Variants in CTCF observed in about 807,000 individuals in gnomAD.
CTCF encodes the protein transcriptional repressor CTCF.
A neutral mutation model predicts 72.3 loss-of-function variants in CTCF; 7 were observed. The observed-to-expected ratio is 0.10, with a 90% CI of 0.06 to 0.18. The LOEUF is 0.18. Among genes scored for constraint, CTCF ranks in the 10% least tolerant of loss-of-function variants. The pLI is 1.00. For missense variants in CTCF, 516 were observed against 949.1 expected (o/e 0.54, Z 6.00); for synonymous variants, 374 against 315.8 (o/e 1.18, Z -1.95).
chr16:67,618,866 T>C (rs1251074072), intron 5 of CTCF, among the ~76,000 whole-genome samples: 2 of 152,190 alleles, frequency 1.3e-5, no homozygotes, highest in East Asian at 3.8e-4. Flanking sequence ...TGAAGAAACA[T>C]TACAAGTTGA....
At chr16:67,619,007 A>G (rs2052167894) in intron 5 of CTCF, among the ~76,000 whole-genome samples, 1 of 152,272 alleles carries the variant, frequency 6.6e-6, no homozygotes, top group Non-Finnish European at 1.5e-5. Flanking sequence ...GTAGGAATAG[A>G]TAGCTCATTG....
chr16:67,626,988 G>C (rs1243940305), intron 8 of CTCF: 1 of 283,776 alleles, frequency 3.5e-6, no homozygotes, highest in Non-Finnish European at 6.5e-6. Flanking sequence ...GAGAGGGGAA[G>C]AATCTCATGC....
intron 10 of CTCF, among the ~76,000 whole-genome samples, chr16:67,631,150 G>GTT (rs1472086135): frequency 9.1e-5 from 12 of 132,534 alleles, no homozygotes; most frequent in African/African-American, 2.9e-4. Context: ...TTTGTTCTTT[G>GTT]TTTGTTTTTT....
intron 7 of CTCF, among the ~76,000 whole-genome samples, chr16:67,622,229 G>A (rs1003195967): frequency 3.3e-5 from 5 of 151,828 alleles, no homozygotes; most frequent in African/African-American, 4.8e-5. Flanking sequence ...GGTGGTGGGC[G>A]CCTGTAGTCC....
intron 2 of CTCF, among the ~76,000 whole-genome samples, chr16:67,574,327 G>GT (rs2051466084): frequency 6.6e-6 from 1 of 152,066 alleles, no homozygotes; most frequent in African/African-American, 2.4e-5. Context: ...AGATTTGCCA[G>GT]TTTGTTAAGA....
intron 2 of CTCF, among the ~76,000 whole-genome samples, chr16:67,605,545 A>C (rs1279417857): frequency 6.6e-6 from 1 of 152,208 alleles, no homozygotes; most frequent in Non-Finnish European, 1.5e-5. Flanking sequence ...TCGGGAGTTT[A>C]CCTTGAGCCT....
chr16:67,617,392 G>A (rs1307809613), intron 5 of CTCF, among the ~76,000 whole-genome samples: 1 of 152,242 alleles, frequency 6.6e-6, no homozygotes, highest in South Asian at 2.1e-4. Flanking sequence ...CCAGCTACTC[G>A]GGAGGCTGAG....
At chr16:67,584,337 C>CTTCTTTTT (rs1462998203) in intron 2 of CTCF, among the ~76,000 whole-genome samples, 6 of 105,856 alleles carry the variant, frequency 5.7e-5, no homozygotes, top group African/African-American at 2.1e-4. Flanking sequence ...AAAAAGTCTT[C>CTTCTTTTT]TTTTTTTTTT....
At position 67,612,269 on chromosome 16, in the gene CTCF, C is replaced by T. The variant is rs1286957152; in HGVS notation, c.952+148C>T. On this transcript the variant is annotated intron_variant, in intron 4 of 11. Coordinates refer to ENST00000264010, the MANE Select transcript of CTCF (RefSeq NM_006565.4). Reference sequence around the variant, plus strand: ...TTTGTAATCATGATTTTATTGTAAGCACTTGGACTTAGTTATTATAGACAA... The same window carrying T: ...TTTGTAATCATGATTTTATTGTAAGTACTTGGACTTAGTTATTATAGACAA... 9 of 665,152 alleles carry T rather than the reference C, an allele frequency of 1.4e-5. No individual in the cohort carries two copies. In the South Asian group the frequency reaches 1.4e-4, roughly 11 times the overall value. 41.2% of individuals were successfully genotyped at this position (665,152 alleles called of 1,614,324 possible). A position where few individuals can be genotyped will look rare whatever the true frequency, so the allele number is the denominator to read the frequency against.
intron 2 of CTCF, among the ~76,000 whole-genome samples, chr16:67,582,929 C>T (rs930370284): frequency 4.0e-5 from 6 of 151,654 alleles, no homozygotes; most frequent in Non-Finnish European, 7.4e-5. Context: ...AAATACTCTA[C>T]ACATTTTTCA....
chr16:67,623,830 A>C (rs1196338213), intron 7 of CTCF, among the ~76,000 whole-genome samples: 1 of 152,108 alleles, frequency 6.6e-6, no homozygotes, highest in African/African-American at 2.4e-5. Context: ...TGGGCGGATC[A>C]CAAGGTCAGG....
chr16:67,612,330 C>T, intron 4 of CTCF: 1 of 407,412 alleles, frequency 2.5e-6, no homozygotes, highest in Non-Finnish European at 4.3e-6. Context: ...AACACCCTCT[C>T]TCTTAAAAAA....
intron 2 of CTCF, among the ~76,000 whole-genome samples, chr16:67,574,718 G>A (rs1483174963): frequency 1.4e-5 from 2 of 141,670 alleles, no homozygotes; most frequent in African/African-American, 2.7e-5. Flanking sequence ...AAGTGCAGTG[G>A]TGCAATCTTG....
intron 2 of CTCF, among the ~76,000 whole-genome samples, chr16:67,573,876 C>A (rs531074559): frequency 6.6e-6 from 1 of 151,896 alleles, no homozygotes; most frequent in African/African-American, 2.4e-5. Flanking sequence ...ACTAAAAATA[C>A]AAAATTTAGC....
chr16:67,584,732 A>C (rs889981691), intron 2 of CTCF, among the ~76,000 whole-genome samples: 5 of 152,200 alleles, frequency 3.3e-5, no homozygotes, highest in African/African-American at 1.2e-4. Flanking sequence ...TATTAAAGCC[A>C]AAAGAAAATT....
intron 2 of CTCF, among the ~76,000 whole-genome samples, chr16:67,608,816 G>A (rs779097681): frequency 1.3e-5 from 2 of 151,290 alleles, no homozygotes; most frequent in South Asian, 2.1e-4. Context: ...TTGGCTCACC[G>A]CAACCTCCAC....
chr16:67,582,657 C>A (rs2051600987), intron 2 of CTCF, among the ~76,000 whole-genome samples: 2 of 152,126 alleles, frequency 1.3e-5, no homozygotes, highest in African/African-American at 4.8e-5. Context: ...CGCGCCACTG[C>A]ACTCCATCCT....
At chr16:67,593,279 A>G (rs768515863) in intron 2 of CTCF, among the ~76,000 whole-genome samples, 8 of 151,838 alleles carry the variant, frequency 5.3e-5, no homozygotes, top group Non-Finnish European at 7.4e-5. Context: ...TGGGGGTACA[A>G]TTGTTGCTCA....
chr16:67,566,793 A>T (rs2051348643), intron 1 of CTCF, among the ~76,000 whole-genome samples: 1 of 151,832 alleles, frequency 6.6e-6, no homozygotes, highest in Admixed American at 6.6e-5. Flanking sequence ...GTTAGCAAGG[A>T]TGGTTTCGAT....
Sources: allele counts gnomAD v4.1 joint callset (sites outside exome capture counted in the v4.1 genomes callset), GRCh38; gene constraint gnomAD v4.1.1; transcripts MANE v1.5; gene names NCBI Gene and HGNC (gene_info 2026-07-23, HGNC 2026-07-21).